The following NEGR1 variants were observed in gnomAD, a reference collection of about 807,000 sequenced individuals.
NEGR1 encodes neuronal growth regulator 1, also known as IgLON family member 4.
In NEGR1, 10 loss-of-function variants were observed where a neutral mutation model predicts 40.9. The ratio of observed to expected loss-of-function variants is 0.24; its 90% CI spans 0.15 to 0.42. The LOEUF (loss-of-function observed/expected upper bound fraction) is 0.42, where lower values mean the gene tolerates loss of function less well. NEGR1 is among the 10% of genes least tolerant of loss of function. The probability of loss-of-function intolerance (pLI) is 1.00; values close to 1 mark genes in which losing one functional copy is unlikely to be tolerated. For synonymous variants in NEGR1, 185 were observed against 166.8 expected, an observed-to-expected ratio of 1.11 and a Z score of -0.84; for missense variants, 352 against 438.9, an observed-to-expected ratio of 0.80 and a Z score of 1.77.
intron 6 of NEGR1, among the ~76,000 whole-genome samples, chr1:71,527,589 G>A (rs374443100): frequency 2.1e-4 from 32 of 151,494 alleles, no homozygotes; most frequent in African/African-American, 7.2e-4. Context: ...CTCTATTCCC[G>A]AATGAGTTTT....
At chr1:71,976,795 G>T (rs772623439) in intron 1 of NEGR1, among the ~76,000 whole-genome samples, 1 of 152,012 alleles carries the variant, frequency 6.6e-6, no homozygotes, top group Non-Finnish European at 1.5e-5. Context: ...TAATAGATAT[G>T]TTTTGAGTGA....
At chr1:71,970,265 C>T (rs149382893) in intron 1 of NEGR1, among the ~76,000 whole-genome samples, 6 of 152,090 alleles carry the variant, frequency 3.9e-5, no homozygotes, top group East Asian at 1.9e-4. Context: ...GAGCTGGAGA[C>T]GCAAGGAAGG....
At chr1:72,100,087 A>T (rs1569963248) in intron 1 of NEGR1, among the ~76,000 whole-genome samples, 1 of 152,180 alleles carries the variant, frequency 6.6e-6, no homozygotes, top group African/African-American at 2.4e-5. Context: ...TCTTTTAAGG[A>T]CTAAAGTAAC....
At chr1:71,859,740 C>T (rs935336643) in intron 2 of NEGR1, among the ~76,000 whole-genome samples, 2 of 151,960 alleles carry the variant, frequency 1.3e-5, no homozygotes, top group African/African-American at 2.4e-5. Context: ...ATGTCAGCTC[C>T]GCTATCACAA....
intron 4 of NEGR1, among the ~76,000 whole-genome samples, chr1:71,643,097 T>A (rs956921857): frequency 6.6e-6 from 1 of 151,970 alleles, no homozygotes; most frequent in Admixed American, 6.6e-5. Flanking sequence ...AGCACACAGG[T>A]CAGCCTGATG....
intron 2 of NEGR1, among the ~76,000 whole-genome samples, chr1:71,933,785 C>T (rs1645877510): frequency 6.6e-6 from 1 of 151,992 alleles, no homozygotes; most frequent in Admixed American, 6.6e-5. Flanking sequence ...TGAGGAAATT[C>T]ATTGACTTAT....
At chr1:71,407,656 C>T (rs542787397) in intron 6 of NEGR1, 86 bp from the exon 7 acceptor site, 390 of 1,317,244 alleles carry the variant, frequency 3.0e-4, no homozygotes, top group African/African-American at 5.3e-4. Context: ...CCAGGTGCAT[C>T]GGGGAAAGCA....
chr1:71,981,828 G>C (rs1646356970), intron 1 of NEGR1, among the ~76,000 whole-genome samples: 1 of 151,778 alleles, frequency 6.6e-6, no homozygotes, highest in Admixed American at 6.6e-5. Context: ...ATGCATAACA[G>C]TGAAAAAGAT....
intron 6 of NEGR1, among the ~76,000 whole-genome samples, chr1:71,547,426 C>T (rs1417598016): frequency 2.6e-5 from 4 of 151,726 alleles, no homozygotes; most frequent in African/African-American, 9.7e-5. Context: ...GCTGTTTCTG[C>T]TCACAGTCTA....
intron 1 of NEGR1, among the ~76,000 whole-genome samples, chr1:71,937,996 A>G (rs1645923628): frequency 6.6e-6 from 1 of 152,040 alleles, no homozygotes; most frequent in Non-Finnish European, 1.5e-5. Flanking sequence ...ATGGAATTCA[A>G]TTTCTTCATG....
chr1:71,765,725 A>G (rs1656098179), intron 3 of NEGR1, among the ~76,000 whole-genome samples: 2 of 152,104 alleles, frequency 1.3e-5, no homozygotes, highest in Admixed American at 1.3e-4. Flanking sequence ...GACATTATTC[A>G]CTATTCCTAA....
intron 1 of NEGR1, among the ~76,000 whole-genome samples, chr1:71,950,354 G>T (rs1481185394): frequency 6.6e-6 from 1 of 151,890 alleles, no homozygotes; most frequent in Non-Finnish European, 1.5e-5. Context: ...TATAATAAAT[G>T]CATGGGAATT....
intron 1 of NEGR1, among the ~76,000 whole-genome samples, chr1:72,218,624 T>C (rs1252203148): frequency 2.6e-5 from 4 of 151,984 alleles, no homozygotes; most frequent in East Asian, 1.9e-4. Context: ...TGTTTTTTTT[T>C]CCTATGAGAC....
chr1:71,620,809 G>A (rs937815622), intron 4 of NEGR1, among the ~76,000 whole-genome samples: 1 of 151,746 alleles, frequency 6.6e-6, no homozygotes, highest in Non-Finnish European at 1.5e-5. Context: ...TTTACACAGT[G>A]GTGAAATAAT....
intron 6 of NEGR1, among the ~76,000 whole-genome samples, chr1:71,541,220 A>T (rs999958680): frequency 5.3e-5 from 8 of 151,398 alleles, no homozygotes; most frequent in African/African-American, 9.7e-5. Context: ...GGTTTTTTTT[A>T]AAAAAAGAAT....
chr1:71,560,419 T>A (rs1008520451), intron 6 of NEGR1, among the ~76,000 whole-genome samples: 3 of 82,592 alleles, frequency 3.6e-5, no homozygotes, highest in African/African-American at 1.2e-4. Flanking sequence ...AGGCCCTGTG[T>A]AATTCTCCAT....
intron 1 of NEGR1, among the ~76,000 whole-genome samples, chr1:72,026,988 C>T (rs1222717292): frequency 2.6e-5 from 4 of 151,922 alleles, no homozygotes; most frequent in Admixed American, 2.0e-4. Flanking sequence ...TGCAGTGGCG[C>T]GATCTGGGCT....
chr1:72,129,442 T>C (rs2821236), intron 1 of NEGR1, among the ~76,000 whole-genome samples: 37,783 of 152,092 alleles, frequency 0.25, 5,089 homozygotes, highest in African/African-American at 0.34. Flanking sequence ...TATTTATTAA[T>C]AGATATACAG....
At chr1:71,441,150 C>A (rs1289904949) in intron 6 of NEGR1, among the ~76,000 whole-genome samples, 1 of 152,180 alleles carries the variant, frequency 6.6e-6, no homozygotes, top group African/African-American at 2.4e-5. Context: ...TTCTTCCAGG[C>A]ATAATGTGTG....
Sources: allele counts gnomAD v4.1 joint callset (sites outside exome capture counted in the v4.1 genomes callset), GRCh38; gene constraint gnomAD v4.1.1; transcripts MANE v1.5; gene names NCBI Gene and HGNC (gene_info 2026-07-23, HGNC 2026-07-21).